NELL1: variants seen among roughly 807,000 people sequenced by gnomAD.
The protein encoded by NELL1 is neural EGFL like 1.
Under a neutral mutation model 107.4 loss-of-function variants are expected in NELL1, and 76 were observed. The observed-to-expected ratio is 0.71, with a 90% CI of 0.59 to 0.86. The LOEUF (loss-of-function observed/expected upper bound fraction) is 0.86. NELL1 is among the 40% of genes least tolerant of loss of function. The pLI is 0.00. For missense variants in NELL1, 1,024 were observed against 1,005.5 expected, an observed-to-expected ratio of 1.02 and a Z score of -0.25; for synonymous variants, 353 against 341.2, an observed-to-expected ratio of 1.03 and a Z score of -0.38.
At chr11:20,965,388 T>C (rs1366096978) in intron 12 of NELL1, among the ~76,000 whole-genome samples, 1 of 152,188 alleles carries the variant, frequency 6.6e-6, no homozygotes, top group African/African-American at 2.4e-5. Flanking sequence ...TTTATGAGGA[T>C]CTTTCTTGGA....
chr11:20,947,285 A>G, intron 10 of NELL1, 51 bp from the exon 11 acceptor site: 1 of 1,245,380 alleles, frequency 8.0e-7, no homozygotes, highest in East Asian at 2.3e-5. Context: ...AGTTTGTTCC[A>G]TTGACTAAAA....
intron 13 of NELL1, among the ~76,000 whole-genome samples, chr11:21,205,148 G>C (rs1368875089): frequency 6.6e-6 from 1 of 152,172 alleles, no homozygotes; most frequent in Non-Finnish European, 1.5e-5. Context: ...TGTGCTGGGA[G>C]ATTTGCTGCT....
intron 16 of NELL1, among the ~76,000 whole-genome samples, chr11:21,543,586 A>T (rs1856350484): frequency 6.6e-6 from 1 of 152,060 alleles, no homozygotes. Flanking sequence ...AAAGGACCTT[A>T]CAGTGGACAC....
At chr11:21,217,712 G>A (rs1857650006) in intron 13 of NELL1, among the ~76,000 whole-genome samples, 1 of 152,126 alleles carries the variant, frequency 6.6e-6, no homozygotes, top group African/African-American at 2.4e-5. Context: ...TCCTAGTCCA[G>A]TCATTGTTAC....
chr11:21,459,448 T>A (rs1265851010), intron 15 of NELL1, among the ~76,000 whole-genome samples: 9 of 151,774 alleles, frequency 5.9e-5, no homozygotes, highest in Admixed American at 5.9e-4. Flanking sequence ...ACATTGGGTT[T>A]TTGTTTTATA....
At chr11:21,489,941 C>T (rs1439920508) in intron 15 of NELL1, among the ~76,000 whole-genome samples, 1 of 151,730 alleles carries the variant, frequency 6.6e-6, no homozygotes, top group Non-Finnish European at 1.5e-5. Context: ...ACTGGGAGCC[C>T]TCAGCAAAAC....
intron 15 of NELL1, among the ~76,000 whole-genome samples, chr11:21,517,066 G>T (rs1325485304): frequency 6.6e-6 from 1 of 152,136 alleles, no homozygotes; most frequent in Non-Finnish European, 1.5e-5. Flanking sequence ...TGGGATTAGA[G>T]GCATGAGCTA....
intron 13 of NELL1, among the ~76,000 whole-genome samples, chr11:21,212,568 A>C (rs191463821): frequency 6.6e-6 from 1 of 152,276 alleles, no homozygotes; most frequent in East Asian, 1.9e-4. Context: ...AAGTAAAGTC[A>C]CTGGAGTTCA....
chr11:20,855,232 A>G (rs971012108), intron 4 of NELL1, among the ~76,000 whole-genome samples: 6 of 151,838 alleles, frequency 4.0e-5, no homozygotes, highest in East Asian at 3.9e-4. Flanking sequence ...GATTGCCTCA[A>G]TGGCAAAGAG....
chr11:21,278,738 C>T lies in NELL1; in HGVS notation c.1549+49284C>T, dbSNP rs1244346424. On this transcript the variant is annotated intron_variant, in intron 14 of 19. Transcript: ENST00000357134. ...TTTGATTCAAGATTTTATGCAATCC[C>T]AATAAAAATCGTAGGGAGTTACTTT... 5.3e-5 allele frequency among the ~76,000 whole-genome samples: 8 copies of T among 152,044 alleles called. No homozygotes were observed. The East Asian group carries it at 1.3e-3, about 26-fold the overall frequency.
chr11:20,862,823 CT>C (rs1849004840), intron 4 of NELL1, among the ~76,000 whole-genome samples: 1 of 152,048 alleles, frequency 6.6e-6, no homozygotes, highest in Admixed American at 6.6e-5. Flanking sequence ...AGCATGCTGC[CT>C]TCAAGCATCT....
At chr11:21,457,691 A>G (rs190073437) in intron 15 of NELL1, among the ~76,000 whole-genome samples, 433 of 152,262 alleles carry the variant, frequency 2.8e-3, no homozygotes, top group African/African-American at 9.7e-3. Context: ...GTACTAAAAT[A>G]GAGTTTGGAG....
At chr11:21,037,683 C>T (rs1828705801) in intron 12 of NELL1, among the ~76,000 whole-genome samples, 1 of 152,124 alleles carries the variant, frequency 6.6e-6, no homozygotes, top group South Asian at 2.1e-4. Flanking sequence ...TGGTAAACAG[C>T]TCCAAACAGT....
intron 13 of NELL1, among the ~76,000 whole-genome samples, chr11:21,168,082 C>A (rs900197304): frequency 3.4e-4 from 52 of 151,636 alleles, no homozygotes; most frequent in African/African-American, 1.2e-3. Flanking sequence ...ATTCCATACT[C>A]GATTCTCACT....
chr11:21,324,908 T>G (rs1565168455), intron 14 of NELL1, among the ~76,000 whole-genome samples: 1 of 152,046 alleles, frequency 6.6e-6, no homozygotes, highest in Non-Finnish European at 1.5e-5. Context: ...GAGAGTTATG[T>G]GTTTGTGTTT....
intron 15 of NELL1, among the ~76,000 whole-genome samples, chr11:21,466,460 C>G (rs557920856): frequency 2.6e-5 from 4 of 152,236 alleles, no homozygotes; most frequent in African/African-American, 9.6e-5. Flanking sequence ...AGTGTGCTCA[C>G]CCAGAGAGAA....
At chr11:20,856,571 C>T (rs953198489) in intron 4 of NELL1, among the ~76,000 whole-genome samples, 9 of 152,152 alleles carry the variant, frequency 5.9e-5, no homozygotes, top group African/African-American at 2.2e-4. Context: ...GGTAAACAGC[C>T]CTAGGCTGTG....
At chr11:20,929,573 A>C (rs943134981) in intron 9 of NELL1, among the ~76,000 whole-genome samples, 1 of 152,124 alleles carries the variant, frequency 6.6e-6, no homozygotes, top group Non-Finnish European at 1.5e-5. Context: ...AGGCAGCTCA[A>C]GTGTCTGGAT....
intron 15 of NELL1, among the ~76,000 whole-genome samples, chr11:21,520,519 TATG>T (rs564992319): frequency 6.5e-4 from 99 of 152,236 alleles, no homozygotes; most frequent in African/African-American, 2.3e-3. Context: ...GGGGTGGTAA[TATG>T]ATGATGATAA....
Sources: allele counts gnomAD v4.1 joint callset (sites outside exome capture counted in the v4.1 genomes callset), GRCh38; gene constraint gnomAD v4.1.1; transcripts MANE v1.5; gene names NCBI Gene and HGNC (gene_info 2026-07-23, HGNC 2026-07-21).